TMEM177: variants seen among roughly 807,000 people sequenced by gnomAD.
The protein encoded by TMEM177 is transmembrane protein 177.
TMEM177 carries 4 observed loss-of-function variants against 14.2 expected under a neutral mutation model. The ratio of observed to expected loss-of-function variants is 0.28; its 90% confidence interval spans 0.14 to 0.64. TMEM177 has a LOEUF of 0.64. TMEM177 is among the 30% of genes least tolerant of loss of function. The pLI is 0.82. For synonymous variants in TMEM177, 179 were observed against 174.5 expected, an observed-to-expected ratio of 1.03 and a Z score of -0.20; for missense variants, 344 against 405.2, an observed-to-expected ratio of 0.85 and a Z score of 1.30.
At chr2:119,707,912 C>T in the TMEM177 span, among the ~76,000 whole-genome samples, 2 of 152,176 alleles carry the variant, frequency 1.3e-5, no homozygotes, top group Non-Finnish European at 2.9e-5. Flanking sequence ...AAGGTTTTCC[C>T]TCTCTGTCTA....
chr2:119,680,527 C>A (rs1293883362), intron 1 of TMEM177, among the ~76,000 whole-genome samples: 1 of 152,164 alleles, frequency 6.6e-6, no homozygotes, highest in Non-Finnish European at 1.5e-5. Flanking sequence ...AAAGTCATTA[C>A]AGCCATTATT....
the TMEM177 span, among the ~76,000 whole-genome samples, chr2:119,695,211 G>T: frequency 6.6e-6 from 1 of 152,198 alleles, no homozygotes; most frequent in Non-Finnish European, 1.5e-5. Context: ...CCGGAATGTG[G>T]ACAAATGGGA....
the TMEM177 span, among the ~76,000 whole-genome samples, chr2:119,697,666 C>T: frequency 6.6e-6 from 1 of 152,166 alleles, no homozygotes; most frequent in African/African-American, 2.4e-5. Context: ...GATTCCTCAC[C>T]CCTCCCCTCT....
chr2:119,683,037 G>T (rs1197351005), downstream of TMEM177, among the ~76,000 whole-genome samples: 1 of 152,234 alleles, frequency 6.6e-6, no homozygotes, highest in Non-Finnish European at 1.5e-5. Flanking sequence ...TTGGCTTCAT[G>T]ACATCTTTTA....
At chr2:119,690,298 C>T (rs138635147), downstream of TMEM177, among the ~76,000 whole-genome samples, 1 of 152,158 alleles carries the variant, frequency 6.6e-6, no homozygotes, top group East Asian at 1.9e-4. Context: ...CCTGCTTCCC[C>T]TTCACCTTCC....
At chr2:119,707,855 C>T in the TMEM177 span, among the ~76,000 whole-genome samples, 4 of 152,178 alleles carry the variant, frequency 2.6e-5, no homozygotes, top group Admixed American at 6.5e-5. Flanking sequence ...GCTTGGCCAA[C>T]GGGGAGCACT....
the TMEM177 span, among the ~76,000 whole-genome samples, chr2:119,713,748 C>T: frequency 2.6e-5 from 4 of 152,200 alleles, no homozygotes; most frequent in African/African-American, 9.7e-5. Flanking sequence ...GTGAGAGGAT[C>T]ACTTGAGCCC....
chr2:119,711,291 T>C, the TMEM177 span, among the ~76,000 whole-genome samples: 1 of 152,106 alleles, frequency 6.6e-6, no homozygotes, highest in African/African-American at 2.4e-5. Flanking sequence ...TCTAAAAAGA[T>C]CTGGAGAAAA....
chr2:119,683,200 C>T (rs1381168472), downstream of TMEM177, among the ~76,000 whole-genome samples: 6 of 152,198 alleles, frequency 3.9e-5, no homozygotes. Context: ...GGCTGGAGCT[C>T]AGTGTGCTGG....
At chr2:119,693,275 GT>G in the TMEM177 span, among the ~76,000 whole-genome samples, 1 of 152,198 alleles carries the variant, frequency 6.6e-6, no homozygotes, top group African/African-American at 2.4e-5. Flanking sequence ...CTGTAGTAGG[GT>G]GCTTTTGGGG....
At chr2:119,715,367 C>T in the TMEM177 span, among the ~76,000 whole-genome samples, 2 of 152,168 alleles carry the variant, frequency 1.3e-5, no homozygotes, top group African/African-American at 2.4e-5. Context: ...GCCTGGACAG[C>T]AGAGCAAGAC....
chr2:119,715,415 C>G, the TMEM177 span, among the ~76,000 whole-genome samples: 5 of 152,054 alleles, frequency 3.3e-5, no homozygotes, highest in Admixed American at 6.5e-5. Flanking sequence ...GAGAGAGAGA[C>G]AGAGACAGAC....
chr2:119,713,046 C>G, the TMEM177 span, among the ~76,000 whole-genome samples: 2 of 151,304 alleles, frequency 1.3e-5, no homozygotes, highest in African/African-American at 4.9e-5. Context: ...TAGAAATATT[C>G]GACACCAAAC....
chr2:119,698,374 G>C, the TMEM177 span, among the ~76,000 whole-genome samples: 1 of 152,134 alleles, frequency 6.6e-6, no homozygotes, highest in East Asian at 1.9e-4. Context: ...CGCTTCTAAG[G>C]CCTTCCAACT....
At chr2:119,704,770 T>C in the TMEM177 span, among the ~76,000 whole-genome samples, 4 of 152,210 alleles carry the variant, frequency 2.6e-5, no homozygotes, top group Non-Finnish European at 5.9e-5. Context: ...GCTGACTTAA[T>C]TTCTCAGAAT....
chr2:119,685,501 C>T (rs1293279363), downstream of TMEM177, among the ~76,000 whole-genome samples: 3 of 152,048 alleles, frequency 2.0e-5, no homozygotes, highest in South Asian at 2.1e-4. Flanking sequence ...CCTCACCCGG[C>T]GAGGCCTCCT....
the TMEM177 span, among the ~76,000 whole-genome samples, chr2:119,705,984 C>CTCTATATATATATTATATAT: frequency 2.3e-5 from 3 of 131,616 alleles, no homozygotes; most frequent in Non-Finnish European, 4.8e-5. Context: ...CTCTCTCTCT[C>CTCTATATATATATTATATAT]TATATATATA....
chr2:119,705,218 A>G, the TMEM177 span, among the ~76,000 whole-genome samples: 1 of 152,224 alleles, frequency 6.6e-6, no homozygotes, highest in Admixed American at 6.5e-5. Flanking sequence ...CCACAAACCT[A>G]GTGGCTTATT....
the TMEM177 span, among the ~76,000 whole-genome samples, chr2:119,701,323 G>C: frequency 1.3e-5 from 2 of 152,216 alleles, no homozygotes; most frequent in Non-Finnish European, 2.9e-5. Flanking sequence ...CAAAAGAGAG[G>C]AAGTTGAGCC....
Sources: gnomAD v4.1 joint callset for allele counts (sites outside exome capture counted in the v4.1 genomes callset) on GRCh38, gnomAD v4.1.1 for gene constraint, MANE v1.5 for transcripts, NCBI Gene and HGNC (gene_info 2026-07-23, HGNC 2026-07-21) for gene names.